Variants in PCDH11X observed in about 807,000 individuals in gnomAD.
The protein encoded by PCDH11X is protocadherin 11 X-linked.
PCDH11X carries 18 observed loss-of-function variants against 53.3 expected under a neutral mutation model. The observed-to-expected ratio is 0.34, with a 90% CI of 0.23 to 0.50. The LOEUF (loss-of-function observed/expected upper bound fraction) is 0.50, where lower values mean the gene tolerates loss of function less well. Among genes scored for constraint, PCDH11X ranks in the 20% least tolerant of loss-of-function variants. The pLI is 0.98. For synonymous variants in PCDH11X, 279 were observed against 393.3 expected (o/e 0.71, Z 3.44); for missense variants, 570 against 1,032.4 (o/e 0.55, Z 6.14).
chrX:92,571,498 A>T, intron 10 of PCDH11X, among the ~76,000 whole-genome samples: 1 of 108,937 alleles, frequency 9.2e-6, no homozygotes, highest in Non-Finnish European at 1.9e-5. Flanking sequence ...ATATAATAAG[A>T]TGTAATAAAA....
chrX:91,848,490 A>G (rs751685983), intron 5 of PCDH11X, among the ~76,000 whole-genome samples: 1 of 111,627 alleles, frequency 9.0e-6, no homozygotes, highest in Admixed American at 9.5e-5. Context: ...CATCTACATT[A>G]CAAAACATGG....
intron 10 of PCDH11X, among the ~76,000 whole-genome samples, chrX:92,576,337 CTT>C (rs748361936): frequency 2.7e-5 from 2 of 72,740 alleles, no homozygotes; most frequent in Admixed American, 1.6e-4. Flanking sequence ...ATCAATGAGT[CTT>C]TTTTTTTTTC....
chrX:92,585,552 G>A (rs1249715701), intron 10 of PCDH11X, among the ~76,000 whole-genome samples: 1 of 107,661 alleles, frequency 9.3e-6, no homozygotes, highest in Non-Finnish European at 1.9e-5. Flanking sequence ...TTGTATTTTT[G>A]GTAGAGACGG....
chrX:92,275,217 G>C (rs12011873), intron 8 of PCDH11X, among the ~76,000 whole-genome samples: 4,842 of 92,613 alleles, frequency 0.052, 113 homozygotes, highest in East Asian at 0.28. Context: ...AAAGGCTACA[G>C]GGTGTGGTCC....
chrX:92,401,224 A>C (rs1170999786), intron 9 of PCDH11X, among the ~76,000 whole-genome samples: 1 of 106,575 alleles, frequency 9.4e-6, no homozygotes, highest in Non-Finnish European at 1.9e-5. Context: ...TTGCAAACTT[A>C]TAATCAGGCT....
At chrX:91,843,364 C>T (rs1183683969) in intron 5 of PCDH11X, among the ~76,000 whole-genome samples, 2 of 103,875 alleles carry the variant, frequency 1.9e-5, no homozygotes, top group Non-Finnish European at 3.9e-5. Flanking sequence ...GGCTAGAGTG[C>T]AGTGGCACGA....
chrX:91,987,507 A>G (rs1170834752), intron 6 of PCDH11X, among the ~76,000 whole-genome samples: 1 of 111,412 alleles, frequency 9.0e-6, no homozygotes, highest in Non-Finnish European at 1.9e-5. Context: ...AAATCTACTC[A>G]TTATTTATAT....
intron 6 of PCDH11X, among the ~76,000 whole-genome samples, chrX:92,082,711 T>G (rs2063881475): frequency 9.0e-6 from 1 of 111,121 alleles, no homozygotes; most frequent in Non-Finnish European, 1.9e-5. Flanking sequence ...TGGAACAGTA[T>G]AGCAAATTTC....
rs2069516629 is a variant in PCDH11X at position 92,332,563 on chromosome X, G to A, written c.3145-55172G>A. 2.7e-5 allele frequency among the ~76,000 whole-genome samples: 3 copies of A among 111,869 alleles called. No individual in the cohort carries two copies. In the Admixed American group the frequency reaches 2.8e-4, roughly 11 times the overall value. ...TTTCAGTTAATAAAAAATTAAATCAGTAACAATTATTGGCTTTAATTTACA... is the reference window on the plus strand; with the variant it reads ...TTTCAGTTAATAAAAAATTAAATCAATAACAATTATTGGCTTTAATTTACA... On this transcript the variant is annotated intron_variant, in intron 8 of 10. Coordinates refer to ENST00000682573, the MANE Select transcript of PCDH11X (RefSeq NM_032968.5).
intron 9 of PCDH11X, among the ~76,000 whole-genome samples, chrX:92,392,170 CA>C (rs1285735154): frequency 1.4e-4 from 16 of 110,692 alleles, no homozygotes. Context: ...CATCTTCCCC[CA>C]AAAAAGTTAA....
At chrX:91,962,905 C>T (rs1182430679) in intron 6 of PCDH11X, among the ~76,000 whole-genome samples, 1 of 111,321 alleles carries the variant, frequency 9.0e-6, no homozygotes, top group African/African-American at 3.3e-5. Context: ...TATATATTGG[C>T]CCCTTTTAAT....
At chrX:91,987,476 G>A (rs1422443159) in intron 6 of PCDH11X, among the ~76,000 whole-genome samples, 1 of 110,971 alleles carries the variant, frequency 9.0e-6, no homozygotes, top group African/African-American at 3.3e-5. Context: ...GGATGACAAT[G>A]GACAGGTGCT....
intron 6 of PCDH11X, among the ~76,000 whole-genome samples, chrX:92,102,042 G>A (rs1467371427): frequency 1.8e-5 from 2 of 111,095 alleles, no homozygotes; most frequent in East Asian, 5.7e-4. Context: ...AAGGAAATAT[G>A]GGGAAATGGG....
intron 6 of PCDH11X, among the ~76,000 whole-genome samples, chrX:91,977,856 A>C (rs1396702094): frequency 9.0e-6 from 1 of 110,962 alleles, no homozygotes; most frequent in Non-Finnish European, 1.9e-5. Context: ...AATTTGCATG[A>C]TTTCTGAGGC....
chrX:92,515,062 A>G (rs1418910267), intron 10 of PCDH11X, among the ~76,000 whole-genome samples: 5 of 79,129 alleles, frequency 6.3e-5, no homozygotes, highest in Non-Finnish European at 1.2e-4. Context: ...AAAAAAAAAA[A>G]AGAAAAGAAA....
chrX:92,304,220 T>G (rs1287561615), intron 8 of PCDH11X, among the ~76,000 whole-genome samples: 2 of 107,776 alleles, frequency 1.9e-5, no homozygotes, highest in Non-Finnish European at 3.8e-5. Context: ...ATAAATAAAT[T>G]TTATTTTTAT....
At chrX:92,580,018 G>A (rs1004712281) in intron 10 of PCDH11X, among the ~76,000 whole-genome samples, 10 of 105,834 alleles carry the variant, frequency 9.4e-5, no homozygotes, top group Non-Finnish European at 1.9e-4. Flanking sequence ...GATTGCTGGG[G>A]GTCCACTCCA....
intron 5 of PCDH11X, among the ~76,000 whole-genome samples, chrX:91,866,210 G>C (rs1009136498): frequency 1.5e-4 from 17 of 110,404 alleles, no homozygotes; most frequent in African/African-American, 5.6e-4. Context: ...GCAGCCTTGG[G>C]TTAGGGGACA....
intron 6 of PCDH11X, among the ~76,000 whole-genome samples, chrX:92,144,246 A>G (rs1020957869): frequency 9.2e-6 from 1 of 108,317 alleles, no homozygotes; most frequent in Non-Finnish European, 1.9e-5. Flanking sequence ...GACTGTTGGG[A>G]AGCCATGATT....
Sources: gnomAD v4.1 joint callset for allele counts (sites outside exome capture counted in the v4.1 genomes callset) on GRCh38, gnomAD v4.1.1 for gene constraint, MANE v1.5 for transcripts, NCBI Gene and HGNC (gene_info 2026-07-23, HGNC 2026-07-21) for gene names.